The following CEP164 variants were observed in gnomAD, a reference collection of about 807,000 sequenced individuals.
CEP164 encodes the protein centrosomal protein of 164 kDa.
CEP164 carries 162 observed loss-of-function variants against 182.7 expected under a neutral mutation model. The observed-to-expected ratio is 0.89, with a 90% CI of 0.78 to 1.01. The LOEUF is 1.01. Ranked by LOEUF, CEP164 falls within the 50% of genes least tolerant of loss-of-function variation. CEP164 has a pLI of 0.00. For synonymous variants in CEP164, 661 were observed against 690.0 expected, an observed-to-expected ratio of 0.96 and a Z score of 0.66; for missense variants, 1,735 against 1,790.4, an observed-to-expected ratio of 0.97 and a Z score of 0.56.
intron 5 of CEP164, chr11:117,359,310 C>A (rs367730535): frequency 3.1e-6 from 2 of 643,360 alleles, no homozygotes; most frequent in African/African-American, 2.0e-5. Context: ...ATGGCAGAGC[C>A]AGTCTCAGGT....
At chr11:117,389,696 G>A (rs2044374073) in intron 15 of CEP164, among the ~76,000 whole-genome samples, 1 of 152,204 alleles carries the variant, frequency 6.6e-6, no homozygotes, top group Non-Finnish European at 1.5e-5. Context: ...ATGAATATGG[G>A]TTTGCCAGAT....
chr11:117,408,767 A>G, intron 28 of CEP164, 123 bp from the exon 29 acceptor site: 1 of 1,279,366 alleles, frequency 7.8e-7, no homozygotes, highest in Non-Finnish European at 1.1e-6. Context: ...TAAGAAAACC[A>G]GCTTAAAGAC....
rs528252533 is a variant in CEP164 at position 117,380,695 on chromosome 11, C to T, written c.1399C>T (p.Leu467=). 56 of 1,604,366 alleles carry T rather than the reference C, an allele frequency of 3.5e-5. 1 individual carries two copies. In the East Asian group the frequency reaches 1.1e-3, roughly 32 times the overall value. Residue 467 remains leucine (L), a synonymous_variant, in exon 12 of 33, where the codon CTG becomes TTG. Transcript: ENST00000278935. The part of the protein sequence containing the change: ...DELQSKQSKG[L]EERLSPPLPH... ...GCTGCAGAGCAAGCAGTCCAAAGGC[C>T]TGGAGGAGAGGTACCATAGGTGGGA...
chr11:117,326,330 GTGCCTCAGCCTCC>G (rs1264348724), upstream of CEP164, among the ~76,000 whole-genome samples: 1 of 151,990 alleles, frequency 6.6e-6, no homozygotes, highest in Non-Finnish European at 1.5e-5. Flanking sequence ...CCGGGTTTAA[GTGCCTCAGCCTCC>G]TGCCTCAGCC....
intron 3 of CEP164, among the ~76,000 whole-genome samples, chr11:117,339,178 T>G (rs535951850): frequency 6.6e-6 from 1 of 152,304 alleles, no homozygotes; most frequent in East Asian, 1.9e-4. Context: ...TTATGTATTG[T>G]GTGTGGCTGC....
Position 117,396,080 on chromosome 11 carries a change from A to G in CEP164, c.3116A>G (p.Lys1039Arg). ...AGCCTGGAGGCTGAAGCTCAAAAGA[A>G]GCAGCACCTGTTGAGAGAAGTGACA... ...FSSLEAEAQK[K>R]QHLLREVTVE... Residue 1039 changes from lysine (K) to arginine (R), a missense_variant, in exon 25 of 33, where the codon AAG (lysine) becomes AGG (arginine). Lys to Arg is a conservative substitution (Grantham distance 26, BLOSUM62 2). Transcript: ENST00000278935. The G allele has an allele frequency of 6.2e-7, 1 of 1,614,136 alleles. No individual in the cohort carries two copies. The highest frequency in any genetic ancestry group is 8.5e-7 in the Non-Finnish European group (1 of 1,180,006).
At chr11:117,392,792 ACT>A (rs1169839731) in intron 19 of CEP164, among the ~76,000 whole-genome samples, 165 bp downstream of exon 19, 1 of 150,648 alleles carries the variant, frequency 6.6e-6, no homozygotes, top group Non-Finnish European at 1.5e-5. Context: ...GAAGCCAGGT[ACT>A]CCTCCAATCT....
chr11:117,336,606 G>A (rs2037161000), intron 2 of CEP164: 1 of 1,374,428 alleles, frequency 7.3e-7, no homozygotes, highest in Admixed American at 1.7e-5. Context: ...ATTTGGCCCT[G>A]GCTGTCTGGC....
intron 28 of CEP164, 166 bp from the exon 29 acceptor site, chr11:117,408,724 C>T (rs1276382622): frequency 1.2e-6 from 1 of 841,368 alleles, no homozygotes; most frequent in Non-Finnish European, 1.8e-6. Context: ...GCTAGGAGAA[C>T]AAATGGAGAT....
At chr11:117,329,811 A>G (rs2081572037) in intron 1 of CEP164, among the ~76,000 whole-genome samples, 1 of 134,942 alleles carries the variant, frequency 7.4e-6, no homozygotes, top group Non-Finnish European at 1.6e-5. Flanking sequence ...AAGTGCTGGG[A>G]TTACAGGCGT....
chr11:117,343,129 C>G (rs1212221413), intron 3 of CEP164, among the ~76,000 whole-genome samples: 1 of 152,212 alleles, frequency 6.6e-6, no homozygotes, highest in Non-Finnish European at 1.5e-5. Flanking sequence ...CCTCGGCTTC[C>G]CAAAGTGCTG....
chr11:117,393,731 C>T (rs1357859185), intron 20 of CEP164, among the ~76,000 whole-genome samples: 2 of 152,212 alleles, frequency 1.3e-5, no homozygotes, highest in Non-Finnish European at 2.9e-5. Context: ...AATAGACTGG[C>T]AAGAGCCAAG....
intron 3 of CEP164, among the ~76,000 whole-genome samples, chr11:117,343,658 C>T: frequency 7.9e-6 from 1 of 127,238 alleles, no homozygotes; most frequent in East Asian, 2.3e-4. Flanking sequence ...GAGACGAAGT[C>T]TTGCTCTCAT....
chr11:117,361,889 T>C lies in CEP164; in HGVS notation c.448T>C (p.Leu150=). 1 of 1,614,146 alleles carries C rather than the reference T, an allele frequency of 6.2e-7. No homozygotes were observed. The highest frequency in any genetic ancestry group is 8.5e-7 in the Non-Finnish European group (1 of 1,180,030). Residue 150 remains leucine (L), a synonymous_variant, in exon 6 of 33, where the codon TTA becomes CTA. Transcript: ENST00000278935. ...TGTTCCTCTTGGGGGCCTGGCTCCT[T>C]TACGAGGTCTTGTGGATACCCCACC... ...VHVPLGGLAP[L]RGLVDTPPSA...
chr11:117,361,576 G>A (rs961878481), intron 5 of CEP164, among the ~76,000 whole-genome samples: 1 of 151,818 alleles, frequency 6.6e-6, no homozygotes, highest in African/African-American at 2.4e-5. Context: ...AGAACCCCAC[G>A]CAGCATCTGC....
At chr11:117,366,601 C>T (rs1430151520) in intron 8 of CEP164, among the ~76,000 whole-genome samples, 1 of 152,168 alleles carries the variant, frequency 6.6e-6, no homozygotes, top group East Asian at 1.9e-4. Flanking sequence ...AGGAGGGAGC[C>T]TGGGCTTAGA....
chr11:117,342,001 A>G (rs2038196836), intron 3 of CEP164, among the ~76,000 whole-genome samples: 1 of 151,772 alleles, frequency 6.6e-6, no homozygotes, highest in African/African-American at 2.4e-5. Context: ...CTTGACCATC[A>G]TTTCTAGAGG....
intron 3 of CEP164, among the ~76,000 whole-genome samples, chr11:117,340,836 T>C (rs1198924002): frequency 2.6e-5 from 4 of 152,140 alleles, no homozygotes; most frequent in Non-Finnish European, 4.4e-5. Context: ...TTTCTTTCTT[T>C]CCTACTTTCT....
At chr11:117,324,783 C>T (rs1239549269), upstream of CEP164, among the ~76,000 whole-genome samples, 1 of 152,138 alleles carries the variant, frequency 6.6e-6, no homozygotes, top group Non-Finnish European at 1.5e-5. Flanking sequence ...GGGTGGATCA[C>T]CTGAGGTCAG....
Sources: gnomAD v4.1 joint callset for allele counts (sites outside exome capture counted in the v4.1 genomes callset) on GRCh38, gnomAD v4.1.1 for gene constraint, MANE v1.5 for transcripts, NCBI Gene and HGNC (gene_info 2026-07-23, HGNC 2026-07-21) for gene names.